The following IPPK variants were observed in gnomAD, a reference collection of about 807,000 sequenced individuals.
The protein encoded by IPPK is inositol-pentakisphosphate 2-kinase.
In IPPK, 22 loss-of-function variants were observed where a neutral mutation model predicts 64.6. That is an observed-to-expected ratio of 0.34 (90% CI 0.24 to 0.49). IPPK has a LOEUF of 0.49. Ranked by LOEUF, IPPK falls within the 20% of genes least tolerant of loss-of-function variation. The probability of loss-of-function intolerance (pLI) is 0.99; values close to 1 mark genes in which losing one functional copy is unlikely to be tolerated. For missense variants in IPPK, 532 were observed against 630.7 expected, an observed-to-expected ratio of 0.84 and a Z score of 1.68; for synonymous variants, 262 against 247.2, an observed-to-expected ratio of 1.06 and a Z score of -0.56.
At chr9:92,617,612 T>G (rs916999527) in intron 12 of IPPK, 2 of 154,208 alleles carry the variant, frequency 1.3e-5, no homozygotes, top group Non-Finnish European at 2.9e-5. Flanking sequence ...CAGGTGGCCT[T>G]CTGGCTGCAG....
intron 11 of IPPK, 181 bp from the exon 12 acceptor site, chr9:92,619,746 G>A: frequency 1.6e-6 from 1 of 622,406 alleles, no homozygotes; most frequent in Admixed American, 2.4e-5. Flanking sequence ...GAGCACCTGG[G>A]CCAGCCCTCA....
intron 2 of IPPK, among the ~76,000 whole-genome samples, chr9:92,658,011 C>T (rs1587643404): frequency 1.3e-5 from 2 of 152,314 alleles, no homozygotes; most frequent in South Asian, 4.1e-4. Context: ...CTGCATGTGT[C>T]CCCTCACAGG....
chr9:92,651,413 G>A (rs989576398), intron 4 of IPPK, among the ~76,000 whole-genome samples: 1 of 152,214 alleles, frequency 6.6e-6, no homozygotes, highest in Non-Finnish European at 1.5e-5. Context: ...GAGAAAGGGA[G>A]AGGCGAAGGG....
intron 6 of IPPK, 144 bp from the exon 7 acceptor site, chr9:92,642,954 A>C: frequency 1.4e-6 from 1 of 703,154 alleles, no homozygotes; most frequent in Non-Finnish European, 2.6e-6. Flanking sequence ...CCACCTTTGC[A>C]GGTGCACATC....
intron 7 of IPPK, 150 bp downstream of exon 7, chr9:92,642,602 A>G: frequency 1.5e-6 from 1 of 649,170 alleles, no homozygotes; most frequent in Non-Finnish European, 2.8e-6. Context: ...AGGTGTCTAC[A>G]GCGCTGATGG....
At position 92,624,612 on chromosome 9, in the gene IPPK, C is replaced by T. The variant is rs566281143; in HGVS notation, c.1171-5047G>A. On this transcript the variant is annotated intron_variant, in intron 11 of 12. Coordinates refer to ENST00000287996, the MANE Select transcript of IPPK (RefSeq NM_022755.6). Reference sequence around the variant, plus strand: ...TCGTGCCAGTGCACTCCAGCCTGGACGATGAAATGAAACTCTGTCTCAAAA... The same window carrying T: ...TCGTGCCAGTGCACTCCAGCCTGGATGATGAAATGAAACTCTGTCTCAAAA... 6.6e-5 allele frequency among the ~76,000 whole-genome samples: 10 copies of T among 152,160 alleles called. No individual in the cohort carries two copies. In the South Asian group the frequency reaches 1.2e-3, roughly 19 times the overall value.
intron 1 of IPPK, among the ~76,000 whole-genome samples, chr9:92,665,315 A>G (rs1274986962): frequency 6.6e-6 from 1 of 152,248 alleles, no homozygotes; most frequent in Non-Finnish European, 1.5e-5. Context: ...CAGAGAACAT[A>G]AACGTATGTG....
intron 4 of IPPK, among the ~76,000 whole-genome samples, chr9:92,651,491 C>T (rs1429440685): frequency 6.6e-6 from 1 of 152,218 alleles, no homozygotes; most frequent in South Asian, 2.1e-4. Context: ...CCCTTGGATT[C>T]CCTGTTCCTC....
At chr9:92,652,971 C>G (rs1340629265) in intron 3 of IPPK, among the ~76,000 whole-genome samples, 2 of 152,178 alleles carry the variant, frequency 1.3e-5, no homozygotes, top group African/African-American at 2.4e-5. Flanking sequence ...TCCGAGCCCC[C>G]TTCTGGTCTC....
At chr9:92,625,863 A>C (rs1851723523) in intron 11 of IPPK, among the ~76,000 whole-genome samples, 1 of 152,232 alleles carries the variant, frequency 6.6e-6, no homozygotes, top group Non-Finnish European at 1.5e-5. Flanking sequence ...GATCAAACAA[A>C]TCAACAAGGC....
At chr9:92,630,410 G>T (rs1018090858) in intron 11 of IPPK, among the ~76,000 whole-genome samples, 6 of 152,128 alleles carry the variant, frequency 3.9e-5, no homozygotes, top group African/African-American at 9.7e-5. Context: ...ATAGCTAAAG[G>T]GTACAGGGTT....
chr9:92,629,471 G>A (rs1173537492), intron 11 of IPPK, among the ~76,000 whole-genome samples: 1 of 151,960 alleles, frequency 6.6e-6, no homozygotes, highest in Non-Finnish European at 1.5e-5. Flanking sequence ...GGCAAAGGGG[G>A]CTGGGCACGG....
chr9:92,617,293 G>C (rs561805014), intron 12 of IPPK: 1 of 152,228 alleles, frequency 6.6e-6, no homozygotes, highest in African/African-American at 2.4e-5. Flanking sequence ...CACATCCCCA[G>C]CCCATGACTA....
At chr9:92,642,938 G>A in intron 6 of IPPK, 128 bp from the exon 7 acceptor site, 1 of 777,084 alleles carries the variant, frequency 1.3e-6, no homozygotes, top group South Asian at 1.5e-5. Flanking sequence ...CCCGGAAAAG[G>A]TGCCACCACC....
chr9:92,648,245 G>A, intron 5 of IPPK, 97 bp from the exon 6 acceptor site: 1 of 901,976 alleles, frequency 1.1e-6, no homozygotes, highest in South Asian at 1.6e-5. Context: ...AGTGCAGCAA[G>A]ATAATTAGGC....
rs1240757445 is a variant in IPPK at position 92,669,923 on chromosome 9, C to T, written c.66G>A (p.Val22=). Residue 22 remains valine (V), a synonymous_variant, in exon 1 of 13, where the codon GTG becomes GTA. Transcript: ENST00000287996. ...CACCGCTCACCTGCGCGTGGGCCAC[C>T]ACCAGGCTCTTATTGCCCTCTCCGT... ...GYHGEGNKSL[V]VAHAQRCVVL... 1 of 1,612,704 alleles carries T rather than the reference C, an allele frequency of 6.2e-7. No homozygotes were observed. The highest frequency in any genetic ancestry group is 2.2e-5 in the East Asian group (1 of 44,714).
chr9:92,654,601 C>T, intron 3 of IPPK, among the ~76,000 whole-genome samples: 1 of 152,246 alleles, frequency 6.6e-6, no homozygotes, highest in East Asian at 1.9e-4. Flanking sequence ...ACCATCCAAT[C>T]ACGTGAGGAC....
chr9:92,650,262 G>A (rs916322466), intron 4 of IPPK, among the ~76,000 whole-genome samples: 1 of 151,920 alleles, frequency 6.6e-6, no homozygotes, highest in Non-Finnish European at 1.5e-5. Context: ...GGCAGAGGAG[G>A]TTGCAGTGAG....
intron 12 of IPPK, chr9:92,616,746 G>A (rs1564024913): frequency 6.6e-6 from 1 of 152,290 alleles, no homozygotes; most frequent in East Asian, 1.9e-4. Context: ...AACACATTTA[G>A]GATTACTCCG....
Sources: allele counts gnomAD v4.1 joint callset (sites outside exome capture counted in the v4.1 genomes callset), GRCh38; gene constraint gnomAD v4.1.1; transcripts MANE v1.5; gene names NCBI Gene and HGNC (gene_info 2026-07-23, HGNC 2026-07-21).